Variants in STK32C observed in about 807,000 individuals in gnomAD.
STK32C encodes the protein serine/threonine-protein kinase 32C.
Under a neutral mutation model 56.5 loss-of-function variants are expected in STK32C, and 31 were observed. The ratio of observed to expected loss-of-function variants is 0.55; its 90% confidence interval spans 0.41 to 0.74. STK32C has a LOEUF of 0.74. Among genes scored for constraint, STK32C ranks in the 30% least tolerant of loss-of-function variants. STK32C has a pLI of 0.00. For missense variants in STK32C, 544 were observed against 676.9 expected, an observed-to-expected ratio of 0.80 and a Z score of 2.18; for synonymous variants, 309 against 289.4, an observed-to-expected ratio of 1.07 and a Z score of -0.69.
At chr10:132,241,622 C>T (rs889170171) in intron 2 of STK32C, among the ~76,000 whole-genome samples, 5 of 152,168 alleles carry the variant, frequency 3.3e-5, no homozygotes, top group Non-Finnish European at 7.3e-5. Context: ...TTCAGAAGTC[C>T]GTGTGGAAAA....
At chr10:132,303,164 G>A (rs1008031740) in intron 1 of STK32C, among the ~76,000 whole-genome samples, 1 of 152,236 alleles carries the variant, frequency 6.6e-6, no homozygotes, top group South Asian at 2.1e-4. Context: ...GGGCTGCGTG[G>A]GAGGCCTCAG....
chr10:132,313,691 C>T (rs1275945624), intron 1 of STK32C, among the ~76,000 whole-genome samples: 2 of 152,156 alleles, frequency 1.3e-5, no homozygotes, highest in Admixed American at 6.5e-5. Context: ...ACATGGGTAG[C>T]GTCCAAGAGG....
Position 132,224,442 on chromosome 10 carries a change from T to G in STK32C, c.958A>C (p.Thr320Pro). The change falls in exon 8 of 12, where the codon ACG (threonine) becomes CCG (proline). Residue 320 changes from threonine to proline, a missense_variant. By Grantham distance (38) the Thr-to-Pro change is conservative. This residue lies in a region of STK32C where 277 missense variants were observed against 309.3 expected (regional missense o/e 0.90). Coordinates refer to ENST00000298630, the MANE Select transcript of STK32C (RefSeq NM_173575.4). Reference protein sequence around the residue: ...FSTVSVQYVPTWSKEMVALLR... With the variant: ...FSTVSVQYVPPWSKEMVALLR... Reference sequence around the variant, plus strand: ...AAGGCCACCATCTCCTTGGACCACGTGGGGACATACTGGACGCTCACGGTG... The same window carrying G: ...AAGGCCACCATCTCCTTGGACCACGGGGGGACATACTGGACGCTCACGGTG... 1 of 1,559,832 alleles carries G rather than the reference T, an allele frequency of 6.4e-7. No homozygotes were observed.
downstream of STK32C, among the ~76,000 whole-genome samples, chr10:132,322,915 T>C (rs1016313885): frequency 1.3e-5 from 2 of 152,156 alleles, no homozygotes; most frequent in African/African-American, 4.8e-5. Flanking sequence ...CTGAACACAT[T>C]TGATCGCTTA....
At chr10:132,330,675 T>C (rs889392388) in intron 1 of STK32C, among the ~76,000 whole-genome samples, 15 of 56,308 alleles carry the variant, frequency 2.7e-4, no homozygotes, top group African/African-American at 1.2e-3. Context: ...ACCCAGCATT[T>C]TTTTTTTTTT....
At chr10:132,229,443 G>C (rs1269159052) in intron 2 of STK32C, among the ~76,000 whole-genome samples, 1 of 152,220 alleles carries the variant, frequency 6.6e-6, no homozygotes, top group African/African-American at 2.4e-5. Flanking sequence ...GCTGCAGTGA[G>C]CCACGACTGT....
intron 11 of STK32C, among the ~76,000 whole-genome samples, 187 bp from the exon 12 acceptor site, chr10:132,208,338 G>A (rs2062168759): frequency 6.6e-6 from 1 of 152,236 alleles, no homozygotes; most frequent in African/African-American, 2.4e-5. Context: ...ACGGGTGGGG[G>A]CACGTGAGCA....
chr10:132,209,966 G>A (rs1232776773), intron 10 of STK32C, among the ~76,000 whole-genome samples: 5 of 152,214 alleles, frequency 3.3e-5, no homozygotes, highest in African/African-American at 1.2e-4. Context: ...AAGGCCCTGG[G>A]AGGGAGGGAG....
intron 1 of STK32C, among the ~76,000 whole-genome samples, chr10:132,257,344 T>G (rs2064157476): frequency 6.6e-6 from 1 of 151,086 alleles, no homozygotes; most frequent in Admixed American, 6.6e-5. Flanking sequence ...CGTGCCACTG[T>G]CTCCCACAGA....
At chr10:132,284,151 G>A (rs1455781696) in intron 1 of STK32C, among the ~76,000 whole-genome samples, 11 of 151,822 alleles carry the variant, frequency 7.2e-5, no homozygotes, top group East Asian at 3.9e-4. Context: ...AAGAGCAGAC[G>A]CCGACCACAA....
At chr10:132,314,851 G>C (rs1000686804) in intron 1 of STK32C, among the ~76,000 whole-genome samples, 9 of 152,122 alleles carry the variant, frequency 5.9e-5, no homozygotes, top group Admixed American at 5.9e-4. Flanking sequence ...AAAAGATTGA[G>C]TTTGGCCAGG....
At chr10:132,306,597 G>A (rs1040472537) in intron 1 of STK32C, among the ~76,000 whole-genome samples, 3 of 152,200 alleles carry the variant, frequency 2.0e-5, no homozygotes, top group Admixed American at 6.5e-5. Flanking sequence ...ATTATTTATC[G>A]CAAGTAAATA....
At chr10:132,223,115 A>C in intron 8 of STK32C, 129 bp from the exon 9 acceptor site, 29 of 1,264,924 alleles carry the variant, frequency 2.3e-5, no homozygotes, top group Non-Finnish European at 3.0e-5. Context: ...CAGGAACCTC[A>C]GGGCCACGCG....
chr10:132,314,530 C>A (rs563253013), intron 1 of STK32C, among the ~76,000 whole-genome samples: 1 of 152,140 alleles, frequency 6.6e-6, no homozygotes, highest in Non-Finnish European at 1.5e-5. Context: ...AAATGGACTA[C>A]GCACTTCAAT....
intron 1 of STK32C, among the ~76,000 whole-genome samples, chr10:132,268,648 T>C (rs2064694114): frequency 6.6e-6 from 1 of 150,460 alleles, no homozygotes; most frequent in Non-Finnish European, 1.5e-5. Flanking sequence ...TGTGTCGGTG[T>C]GTGTGCATGC....
At chr10:132,233,690 A>C (rs2063177079) in intron 2 of STK32C, among the ~76,000 whole-genome samples, 1 of 151,918 alleles carries the variant, frequency 6.6e-6, no homozygotes, top group South Asian at 2.1e-4. Flanking sequence ...GAGGCTGGGA[A>C]CCCCCCATGC....
intron 1 of STK32C, among the ~76,000 whole-genome samples, chr10:132,282,653 AAAT>A (rs1238006322): frequency 6.6e-6 from 1 of 152,234 alleles, no homozygotes; most frequent in Non-Finnish European, 1.5e-5. Context: ...AATAACAACA[AAAT>A]AATAATAACA....
chr10:132,222,583 TA>T, intron 10 of STK32C, 57 bp downstream of exon 10: 1 of 1,592,054 alleles, frequency 6.3e-7, no homozygotes, highest in South Asian at 1.1e-5. Context: ...TGCTCGGTGG[TA>T]GAGAGGAGCC....
chr10:132,331,356 A>G, intron 1 of STK32C: 1 of 1,429,944 alleles, frequency 7.0e-7, no homozygotes. Flanking sequence ...GTTCCACAGG[A>G]CCACGCGAGC....
Sources: allele counts gnomAD v4.1 joint callset (sites outside exome capture counted in the v4.1 genomes callset), GRCh38; gene constraint gnomAD v4.1.1; regional missense constraint gnomAD v4.1.1; transcripts MANE v1.5; gene names NCBI Gene and HGNC (gene_info 2026-07-23, HGNC 2026-07-21).